The following EPHA3 variants were observed in gnomAD, a reference collection of about 807,000 sequenced individuals.
The protein encoded by EPHA3 is ephrin type-A receptor 3.
Under a neutral mutation model 107.1 loss-of-function variants are expected in EPHA3, and 42 were observed. The observed-to-expected ratio is 0.39, with a 90% CI of 0.31 to 0.51. The LOEUF is 0.51. EPHA3 is among the 20% of genes least tolerant of loss of function. The pLI, the probability that EPHA3 is intolerant of heterozygous loss-of-function variation, is 0.78. For synonymous variants in EPHA3, 461 were observed against 424.8 expected, an observed-to-expected ratio of 1.09 and a Z score of -1.05; for missense variants, 1,183 against 1,211.2, an observed-to-expected ratio of 0.98 and a Z score of 0.35.
intron 1 of EPHA3, among the ~76,000 whole-genome samples, chr3:89,113,378 C>G (rs1198255529): frequency 6.7e-6 from 1 of 149,480 alleles, no homozygotes; most frequent in African/African-American, 2.5e-5. Context: ...TAAGTCTGTT[C>G]CCAGCTGCTT....
At chr3:89,227,783 G>A (rs984293807) in intron 3 of EPHA3, among the ~76,000 whole-genome samples, 3 of 151,856 alleles carry the variant, frequency 2.0e-5, no homozygotes, top group Admixed American at 6.6e-5. Flanking sequence ...GAACATGATG[G>A]CTGTTATTTT....
In EPHA3 at chr3:89,472,611, T is replaced by C; in HGVS notation, c.2838T>C (p.Ile946=). 3 of 1,607,806 alleles carry C rather than the reference T, an allele frequency of 1.9e-6. No individual in the cohort carries two copies. The highest frequency in any genetic ancestry group is 1.1e-5 in the South Asian group (1 of 89,564). ...EYSSCDTIAK[I]STDDMKKVGV... is the part of the protein sequence containing the mutation. ...GTTCTTGTGACACAATAGCCAAGATTTCCACAGAGTAAGAAAAAAAAATTC... is the reference window on the plus strand; with the variant it reads ...GTTCTTGTGACACAATAGCCAAGATCTCCACAGAGTAAGAAAAAAAAATTC... The change falls in exon 16 of 17, where the codon ATT becomes ATC. Residue 946 remains isoleucine (I), a synonymous_variant. Coordinates refer to ENST00000336596, the MANE Select transcript of EPHA3 (RefSeq NM_005233.6).
intron 3 of EPHA3, among the ~76,000 whole-genome samples, chr3:89,213,182 G>A (rs1238831108): frequency 1.3e-5 from 2 of 152,002 alleles, no homozygotes; most frequent in African/African-American, 4.8e-5. Flanking sequence ...AGGTGCTCAT[G>A]AGTGTGAATG....
chr3:89,354,191 AT>A (rs1205078035), intron 5 of EPHA3, among the ~76,000 whole-genome samples: 1 of 151,220 alleles, frequency 6.6e-6, no homozygotes, highest in African/African-American at 2.4e-5. Context: ...TATACTTTAA[AT>A]GTGTTCTACC....
At position 89,287,094 on chromosome 3, in the gene EPHA3, A is replaced by G. The variant is rs80143821; in HGVS notation, c.815-53822A>G. On this transcript the variant is annotated intron_variant, in intron 3 of 16. Transcript: ENST00000336596. ...TTTCAAATGGATTACTTAATTTTCC[A>G]ACCTATTTTTGGTTTTAACAGGAAA... 3.2e-3 allele frequency among the ~76,000 whole-genome samples: 494 copies of G among 152,310 alleles called. 14 individuals carry two copies. In the East Asian group the frequency reaches 0.082, roughly 25 times the overall value.
chr3:89,138,825 T>G (rs1704368826), intron 2 of EPHA3, among the ~76,000 whole-genome samples: 1 of 151,908 alleles, frequency 6.6e-6, no homozygotes, highest in South Asian at 2.1e-4. Context: ...CATTATTTTC[T>G]TTTCTTTTAT....
At chr3:89,254,342 A>G (rs1329781767) in intron 3 of EPHA3, among the ~76,000 whole-genome samples, 1 of 152,152 alleles carries the variant, frequency 6.6e-6, no homozygotes, top group African/African-American at 2.4e-5. Context: ...TGTGATTAGC[A>G]TTATTTCCTT....
intron 3 of EPHA3, among the ~76,000 whole-genome samples, chr3:89,327,775 C>T (rs976186459): frequency 1.3e-5 from 2 of 151,608 alleles, no homozygotes; most frequent in Non-Finnish European, 2.9e-5. Flanking sequence ...GTATTGCTTT[C>T]AGATACATGG....
intron 5 of EPHA3, among the ~76,000 whole-genome samples, chr3:89,373,232 CTTG>C (rs1014814091): frequency 5.7e-4 from 86 of 151,662 alleles, no homozygotes; most frequent in African/African-American, 2.0e-3. Flanking sequence ...ATCTTTTTTT[CTTG>C]TTGTTTTTTG....
chr3:89,167,692 A>C (rs765808515), intron 2 of EPHA3, among the ~76,000 whole-genome samples: 1 of 152,154 alleles, frequency 6.6e-6, no homozygotes. Context: ...TCCTTCCTTT[A>C]GAAATTATAG....
At chr3:89,395,728 A>G in intron 5 of EPHA3, 109 bp from the exon 6 acceptor site, 2 of 1,340,974 alleles carry the variant, frequency 1.5e-6, no homozygotes, top group Non-Finnish European at 2.1e-6. Context: ...AACTGGAACA[A>G]TGATAGACTC....
At chr3:89,322,307 T>C (rs899107414) in intron 3 of EPHA3, among the ~76,000 whole-genome samples, 1 of 152,140 alleles carries the variant, frequency 6.6e-6, no homozygotes, top group Non-Finnish European at 1.5e-5. Context: ...ATCTGGATAC[T>C]TATGCCCTAG....
chr3:89,187,272 G>T (rs1705589224), intron 2 of EPHA3, among the ~76,000 whole-genome samples: 1 of 149,004 alleles, frequency 6.7e-6, no homozygotes, highest in Non-Finnish European at 1.5e-5. Flanking sequence ...ATTTATTTAT[G>T]AATGTATTTA....
Position 89,472,452 on chromosome 3 carries a change from T to A in EPHA3, c.2691-12T>A. 6.2e-7 allele frequency: 1 copy of A among 1,612,566 alleles called. No homozygotes were observed. The highest frequency in any genetic ancestry group is 8.5e-7 in the Non-Finnish European group (1 of 1,179,264). Reference sequence around the variant, plus strand: ...CCTGATCTGTCTCCCTTTGGTGTTTTTTTTCTTGCAGGCCATCAAACCTTC... The same window carrying A: ...CCTGATCTGTCTCCCTTTGGTGTTTATTTTCTTGCAGGCCATCAAACCTTC... On this transcript the variant is annotated splice_polypyrimidine_tract_variant and intron_variant, in intron 15 of 16. Coordinates refer to ENST00000336596, the MANE Select transcript of EPHA3 (RefSeq NM_005233.6).
At chr3:89,359,831 A>G (rs550355981) in intron 5 of EPHA3, among the ~76,000 whole-genome samples, 2 of 139,924 alleles carry the variant, frequency 1.4e-5, no homozygotes, top group African/African-American at 2.5e-5. Context: ...ACATATATAT[A>G]TACATATATA....
At chr3:89,423,236 A>G (rs1239238220) in intron 11 of EPHA3, among the ~76,000 whole-genome samples, 1 of 151,454 alleles carries the variant, frequency 6.6e-6, no homozygotes, top group Non-Finnish European at 1.5e-5. Flanking sequence ...GAGGAATGTC[A>G]TGGGCAGAAC....
rs143638804 is a variant in EPHA3, at chr3:89,202,324, G to A, written c.154-7536G>A. Among the ~76,000 whole-genome samples, 1,196 of 151,536 alleles carry A rather than the reference G, an allele frequency of 7.9e-3. 12 individuals carry two copies. Among genetic ancestry groups the A allele is most frequent in the South Asian group, 0.017 (80 of 4,792 alleles). On this transcript the variant is annotated intron_variant, in intron 2 of 16. Coordinates refer to ENST00000336596, the MANE Select transcript of EPHA3 (RefSeq NM_005233.6). ...AGCCTGGCCAACATGGCAAAACACC[G>A]TCTCTACTGAAAATAAAAAATAAAT...
At chr3:89,275,456 T>TA (rs1274079213) in intron 3 of EPHA3, among the ~76,000 whole-genome samples, 1 of 152,070 alleles carries the variant, frequency 6.6e-6, no homozygotes, top group Admixed American at 6.6e-5. Context: ...GTCATACTAA[T>TA]AAAGTTCTTA....
chr3:89,447,341 C>T (rs189171578), intron 13 of EPHA3, among the ~76,000 whole-genome samples: 43 of 152,246 alleles, frequency 2.8e-4, no homozygotes, highest in African/African-American at 9.1e-4. Context: ...CTTATTCTTC[C>T]TGCTGATGGT....
Sources: allele counts gnomAD v4.1 joint callset (sites outside exome capture counted in the v4.1 genomes callset), GRCh38; gene constraint gnomAD v4.1.1; transcripts MANE v1.5; gene names NCBI Gene and HGNC (gene_info 2026-07-23, HGNC 2026-07-21).